Variants in KCND3 observed in about 807,000 individuals in gnomAD.
KCND3 encodes potassium voltage-gated channel subfamily D member 3.
In KCND3, 9 loss-of-function variants were observed where a neutral mutation model predicts 51.1. That is an observed-to-expected ratio of 0.18 (90% CI 0.11 to 0.31). KCND3 has a LOEUF of 0.31. KCND3 is among the 10% of genes least tolerant of loss of function. The pLI, the probability that KCND3 is intolerant of heterozygous loss-of-function variation, is 1.00. For missense variants in KCND3, 526 were observed against 903.8 expected (o/e 0.58, Z 5.36); for synonymous variants, 349 against 368.0 (o/e 0.95, Z 0.59).
chr1:111,983,027 G>A (rs557965277), intron 1 of KCND3, among the ~76,000 whole-genome samples: 6 of 152,302 alleles, frequency 3.9e-5, no homozygotes, highest in Admixed American at 3.9e-4. Context: ...AGATGTTGCT[G>A]ACTGCCTGAC....
At chr1:111,912,807 T>C (rs1671026710) in intron 2 of KCND3, among the ~76,000 whole-genome samples, 1 of 152,236 alleles carries the variant, frequency 6.6e-6, no homozygotes, top group Non-Finnish European at 1.5e-5. Flanking sequence ...TGTAAATAAA[T>C]ATTTTTTATA....
At chr1:111,781,524 GT>G (rs1439128666) in intron 3 of KCND3, among the ~76,000 whole-genome samples, 4 of 152,026 alleles carry the variant, frequency 2.6e-5, no homozygotes, top group African/African-American at 7.2e-5. Flanking sequence ...CATGTATATG[GT>G]TTTTTTATTT....
chr1:111,777,888 G>T, intron 6 of KCND3, among the ~76,000 whole-genome samples: 1 of 152,168 alleles, frequency 6.6e-6, no homozygotes, highest in East Asian at 1.9e-4. Context: ...GGATTCCCTA[G>T]GTCAAGTGTA....
At chr1:111,877,898 A>G (rs1028218027) in intron 2 of KCND3, among the ~76,000 whole-genome samples, 1 of 152,226 alleles carries the variant, frequency 6.6e-6, no homozygotes, top group African/African-American at 2.4e-5. Context: ...GAGGAGGCTG[A>G]TGGGCAAGAA....
chr1:111,776,614 G>A (rs1222466562), intron 7 of KCND3, among the ~76,000 whole-genome samples: 2 of 152,116 alleles, frequency 1.3e-5, no homozygotes, highest in Non-Finnish European at 2.9e-5. Flanking sequence ...TATAAGCAGA[G>A]GGGGAGGGAA....
chr1:111,848,164 C>T (rs571363753), intron 2 of KCND3, among the ~76,000 whole-genome samples: 5 of 152,178 alleles, frequency 3.3e-5, no homozygotes, highest in Admixed American at 1.3e-4. Context: ...CTCAGCCACG[C>T]GATCGCCTGG....
intron 2 of KCND3, among the ~76,000 whole-genome samples, chr1:111,897,849 T>C (rs533796241): frequency 5.9e-5 from 9 of 152,330 alleles, no homozygotes; most frequent in African/African-American, 9.6e-5. Flanking sequence ...ACCTGAAGAA[T>C]AGACAAACAC....
intron 2 of KCND3, among the ~76,000 whole-genome samples, chr1:111,940,803 G>A (rs1286852240): frequency 6.6e-6 from 1 of 152,172 alleles, no homozygotes; most frequent in East Asian, 1.9e-4. Flanking sequence ...AGCCTCTGGT[G>A]TGGAGACCCA....
At chr1:111,820,846 G>A (rs1666314759) in intron 2 of KCND3, among the ~76,000 whole-genome samples, 1 of 152,206 alleles carries the variant, frequency 6.6e-6, no homozygotes, top group Non-Finnish European at 1.5e-5. Context: ...ACGGCCATGT[G>A]AAGACAGAGG....
At chr1:111,857,192 C>A (rs1052778496) in intron 2 of KCND3, among the ~76,000 whole-genome samples, 6 of 152,204 alleles carry the variant, frequency 3.9e-5, no homozygotes, top group Non-Finnish European at 5.9e-5. Flanking sequence ...TTTGGGTAAG[C>A]CTCACAGCAG....
intron 2 of KCND3, among the ~76,000 whole-genome samples, chr1:111,908,045 C>T (rs769229528): frequency 6.6e-6 from 1 of 152,228 alleles, no homozygotes; most frequent in Non-Finnish European, 1.5e-5. Flanking sequence ...GAGGAGCCTG[C>T]AGCTCCCAAT....
intron 2 of KCND3, among the ~76,000 whole-genome samples, chr1:111,938,234 G>A (rs950842695): frequency 6.6e-6 from 1 of 152,180 alleles, no homozygotes; most frequent in Admixed American, 6.5e-5. Flanking sequence ...GCCTCTGGCC[G>A]AGGTCTGAGC....
At chr1:111,838,995 A>G (rs1332575526) in intron 2 of KCND3, among the ~76,000 whole-genome samples, 1 of 152,160 alleles carries the variant, frequency 6.6e-6, no homozygotes, top group Non-Finnish European at 1.5e-5. Context: ...TAAATTTTGC[A>G]TGATTTGTTT....
At chr1:111,790,130 A>G (rs1357244255) in intron 2 of KCND3, among the ~76,000 whole-genome samples, 1 of 152,214 alleles carries the variant, frequency 6.6e-6, no homozygotes, top group Non-Finnish European at 1.5e-5. Context: ...AGCCAGAGGG[A>G]GGCAGCATGG....
rs965514073 is a variant in KCND3, at chr1:111,981,469, T to A, written c.1106+152A>T. On this transcript the variant is annotated intron_variant, in intron 2 of 7. Coordinates refer to ENST00000302127, the MANE Select transcript of KCND3 (RefSeq NM_001378969.1). The surrounding 1 kb of genome is among the most constrained non-coding windows in gnomAD (Gnocchi z 6.2). ...CCCCCAAACAGATGACTCATGGGCT[T>A]TACCCTTCGGATAGAGCAACTTCCC... The A allele has an allele frequency of 1.2e-5, 13 of 1,106,488 alleles. No individual in the cohort carries two copies. The highest frequency in any genetic ancestry group is 1.7e-5 in the Non-Finnish European group (13 of 750,862). 68.5% of individuals were successfully genotyped at this position (1,106,488 alleles called of 1,614,324 possible). A position where few individuals can be genotyped will look rare whatever the true frequency, so the allele number is the denominator to read the frequency against.
intron 2 of KCND3, among the ~76,000 whole-genome samples, chr1:111,818,040 G>GCACACACACACACA (rs59035556): frequency 1.4e-4 from 21 of 148,074 alleles, no homozygotes; most frequent in East Asian, 1.0e-3. Flanking sequence ...ACACGCGCGT[G>GCACACACACACACA]CACACACACA....
intron 2 of KCND3, among the ~76,000 whole-genome samples, chr1:111,847,397 C>G (rs1667603059): frequency 6.6e-6 from 1 of 152,148 alleles, no homozygotes; most frequent in Non-Finnish European, 1.5e-5. Context: ...GCCTATGCCT[C>G]TTATCCAAGA....
In KCND3 at chr1:111,794,424, G is replaced by A. The variant is rs1270748593; in HGVS notation, c.1107-7318C>T. ...TGGAGACCAGGGCACTGGCCGGTTAGGGCCCAGCTGCTGGGAGCTCAACCA... is the reference window on the plus strand; with the variant it reads ...TGGAGACCAGGGCACTGGCCGGTTAAGGCCCAGCTGCTGGGAGCTCAACCA... On this transcript the variant is annotated intron_variant, in intron 2 of 7. Transcript: ENST00000302127. Among the ~76,000 whole-genome samples the A allele has an allele frequency of 4.6e-5, 7 of 152,222 alleles. No homozygotes were observed. In the East Asian group the frequency reaches 1.2e-3, roughly 25 times the overall value.
intron 2 of KCND3, among the ~76,000 whole-genome samples, chr1:111,894,414 A>AC (rs1167771714): frequency 1.3e-5 from 2 of 151,692 alleles, no homozygotes; most frequent in East Asian, 3.9e-4. Context: ...TTTCTCTCCC[A>AC]CCCTACCCTG....
Sources: allele counts gnomAD v4.1 joint callset (sites outside exome capture counted in the v4.1 genomes callset), GRCh38; gene constraint gnomAD v4.1.1; non-coding constraint Gnocchi (gnomAD v3.1); transcripts MANE v1.5; gene names NCBI Gene and HGNC (gene_info 2026-07-23, HGNC 2026-07-21).